CANX: variants seen among roughly 807,000 people sequenced by gnomAD.
CANX encodes epididymis secretory sperm binding protein.
CANX carries 14 observed loss-of-function variants against 75.7 expected under a neutral mutation model. The observed-to-expected ratio is 0.19, with a 90% CI of 0.12 to 0.29. The LOEUF (loss-of-function observed/expected upper bound fraction) is 0.29, where lower values mean the gene tolerates loss of function less well. Among genes scored for constraint, CANX ranks in the 10% least tolerant of loss-of-function variants. CANX has a pLI of 1.00. For synonymous variants in CANX, 227 were observed against 236.9 expected, an observed-to-expected ratio of 0.96 and a Z score of 0.38; for missense variants, 567 against 713.2, an observed-to-expected ratio of 0.79 and a Z score of 2.34.
Position 179,710,065 on chromosome 5 carries a change from A to C in CANX, c.721A>C (p.Ile241Leu). 1 of 1,536,858 alleles carries C rather than the reference A, an allele frequency of 6.5e-7. No individual in the cohort carries two copies. The highest frequency in any genetic ancestry group is 8.9e-7 in the Non-Finnish European group (1 of 1,118,938). Residue 241 changes from isoleucine to leucine, a missense_variant and splice_region_variant, in exon 7 of 15, where the codon ATC (isoleucine) becomes CTC (leucine). Coordinates refer to ENST00000247461, the MANE Select transcript of CANX (RefSeq NM_001746.4). ...TAAGAAAACACATCTTTACACACTAAGTAAGAAAAAGCATTAGTTTGGGGG... is the reference window on the plus strand; with the variant it reads ...TAAGAAAACACATCTTTACACACTACGTAAGAAAAAGCATTAGTTTGGGGG... ...TDKKTHLYTL[I>L]LNPDNSFEIL...
intron 1 of CANX, among the ~76,000 whole-genome samples, chr5:179,681,971 C>T (rs1304552519): frequency 1.4e-5 from 2 of 144,670 alleles, no homozygotes; most frequent in Non-Finnish European, 1.5e-5. Context: ...AAAAGAGGGC[C>T]AGGCGCGATG....
intron 1 of CANX, chr5:179,700,564 C>T (rs1281923165): frequency 6.6e-6 from 1 of 152,656 alleles, no homozygotes; most frequent in African/African-American, 2.4e-5. Flanking sequence ...CTCGAGTGAA[C>T]TGTGTGTGGG....
chr5:179,708,469 T>C (rs1410815364), intron 5 of CANX, 89 bp downstream of exon 5: 3 of 1,236,810 alleles, frequency 2.4e-6, no homozygotes, highest in African/African-American at 1.5e-5. Context: ...TAAAAAATTA[T>C]GAGATTATAT....
chr5:179,723,784 G>A lies in CANX; in HGVS notation c.1518+5G>A. 6.3e-7 allele frequency: 1 copy of A among 1,590,842 alleles called. No homozygotes were observed. Among genetic ancestry groups the A allele is most frequent in the Non-Finnish European group, 8.5e-7 (1 of 1,173,160 alleles). ...CTCTTCTGCTGTTCTGGAAAGGTAGGAAGTTTTTTTTTTTAGAATCAATTT... is the reference window on the plus strand; with the variant it reads ...CTCTTCTGCTGTTCTGGAAAGGTAGAAAGTTTTTTTTTTTAGAATCAATTT... On this transcript the variant is annotated splice_donor_5th_base_variant and intron_variant, in intron 12 of 14. Transcript: ENST00000247461.
intron 8 of CANX, among the ~76,000 whole-genome samples, chr5:179,718,196 A>G (rs1300420634): frequency 6.6e-6 from 1 of 151,714 alleles, no homozygotes; most frequent in Non-Finnish European, 1.5e-5. Flanking sequence ...TTGTTTGTTG[A>G]GACAGAGTCT....
chr5:179,698,852 C>T, upstream of CANX: 1 of 1,016,914 alleles, frequency 9.8e-7, no homozygotes. Flanking sequence ...CCACGCCGGC[C>T]AACCGGATGT....
At chr5:179,703,677 T>C (rs943816113) in intron 1 of CANX, among the ~76,000 whole-genome samples, 2 of 151,312 alleles carry the variant, frequency 1.3e-5, no homozygotes, top group African/African-American at 4.9e-5. Flanking sequence ...GGTCAGGCTA[T>C]GTTTATGTTG....
chr5:179,679,368 G>A, intron 1 of CANX: 1 of 1,019,594 alleles, frequency 9.8e-7, no homozygotes, highest in Non-Finnish European at 1.4e-6. Context: ...GGCTGCGGCT[G>A]TGTCTCACCA....
chr5:179,698,997 C>G lies in CANX; in HGVS notation c.-109C>G. On this transcript the variant is annotated 5_prime_UTR_variant, in exon 1 of 15. Transcript: ENST00000247461. ...TGGCCGAGGCCTCTTGGTTCTGCGG[C>G]ACGTGACGGTCGGGCCGCCTCCGCC... The G allele has an allele frequency of 8.9e-7, 1 of 1,124,030 alleles. No homozygotes were observed. The highest frequency in any genetic ancestry group is 1.1e-6 in the Non-Finnish European group (1 of 911,896). The allele number at this position is 1,124,030 out of a possible 1,614,324, so 69.6% of individuals were successfully genotyped here. A position where few individuals can be genotyped will look rare whatever the true frequency, so the allele number is the denominator to read the frequency against.
intron 1 of CANX, among the ~76,000 whole-genome samples, chr5:179,687,082 TTTTTTTGTTTGTTTGTTTG>T (rs1249960514): frequency 6.7e-6 from 1 of 150,064 alleles, no homozygotes; most frequent in African/African-American, 2.4e-5. Flanking sequence ...CGGCCTGCAG[TTTTTTTGTTTGTTTGTTTG>T]TTTTTTGAGA....
Position 179,722,947 on chromosome 5 carries a change from T to C in CANX, c.1326T>C (p.Ala442=). ...DIFFDNFIIC[A]DRRIVDDWAN... is the part of the protein sequence containing the mutation. Reference sequence around the variant, plus strand: ...TTTTTGACAACTTTATCATTTGTGCTGATCGAAGAATAGTTGATGATTGGG... The same window carrying C: ...TTTTTGACAACTTTATCATTTGTGCCGATCGAAGAATAGTTGATGATTGGG... Residue 442 remains alanine (A), a synonymous_variant, in exon 11 of 15, where the codon GCT becomes GCC. Transcript: ENST00000247461. The C allele has an allele frequency of 6.2e-7, 1 of 1,614,218 alleles. No homozygotes were observed. The highest frequency in any genetic ancestry group is 8.5e-7 in the Non-Finnish European group (1 of 1,180,028).
intron 10 of CANX, 80 bp from the exon 11 acceptor site, chr5:179,722,724 A>G (rs1778391125): frequency 1.1e-6 from 1 of 917,616 alleles, no homozygotes. Context: ...GTTCATGCAA[A>G]ATTTCTCTTA....
chr5:179,728,892 A>G lies in CANX; in HGVS notation c.*248A>G, dbSNP rs1295001965. 1 of 542,584 alleles carries G rather than the reference A, an allele frequency of 1.8e-6. No individual in the cohort carries two copies. The highest frequency in any genetic ancestry group is 3.3e-6 in the Non-Finnish European group (1 of 299,394). The allele number at this position is 542,584 out of a possible 1,614,324, so 33.6% of individuals were successfully genotyped here. On this transcript the variant is annotated 3_prime_UTR_variant, in exon 15 of 15. Coordinates refer to ENST00000247461, the MANE Select transcript of CANX (RefSeq NM_001746.4). ...TAACATAATGGTTGTGAAATGTAAC[A>G]TGAAGCAAACTAACTTTTTTTTTTT...
At chr5:179,698,635 CCCGA>C, upstream of CANX, 2 of 1,244,316 alleles carry the variant, frequency 1.6e-6, no homozygotes, top group Non-Finnish European at 2.1e-6. Flanking sequence ...GTTGGAACGC[CCCGA>C]AGGCACCACA....
upstream of CANX, among the ~76,000 whole-genome samples, chr5:179,695,851 C>T (rs992775155): frequency 2.1e-5 from 3 of 145,334 alleles, no homozygotes; most frequent in African/African-American, 5.1e-5. Context: ...GGGGTTTCAC[C>T]GTGGTCTCGA....
At chr5:179,723,518 C>A (rs905209052) in intron 11 of CANX, 142 bp from the exon 12 acceptor site, 5 of 806,738 alleles carry the variant, frequency 6.2e-6, no homozygotes, top group Non-Finnish European at 9.7e-6. Context: ...TCTCTAATTT[C>A]TTTTTTACAT....
intron 1 of CANX, chr5:179,679,119 C>T: frequency 6.5e-7 from 1 of 1,535,612 alleles, no homozygotes; most frequent in Non-Finnish European, 8.7e-7. Flanking sequence ...TGGCTCGTAG[C>T]CGAGCACTCG....
At chr5:179,686,100 G>GTTTTTTTTTT (rs1562434745) in intron 1 of CANX, among the ~76,000 whole-genome samples, 1 of 101,156 alleles carries the variant, frequency 9.9e-6, no homozygotes, top group African/African-American at 3.4e-5. Context: ...GGTTGTTCAA[G>GTTTTTTTTTT]TCTTTTTTTT....
chr5:179,697,978 G>A (rs1244612316), upstream of CANX, among the ~76,000 whole-genome samples: 3 of 152,104 alleles, frequency 2.0e-5, no homozygotes, highest in South Asian at 2.1e-4. Context: ...TCCCCTTCCC[G>A]GTGGCAAGAG....
Sources: gnomAD v4.1 joint callset for allele counts (sites outside exome capture counted in the v4.1 genomes callset) on GRCh38, gnomAD v4.1.1 for gene constraint, MANE v1.5 for transcripts, NCBI Gene and HGNC (gene_info 2026-07-23, HGNC 2026-07-21) for gene names.